The following PRKN variants were observed in gnomAD, a reference collection of about 807,000 sequenced individuals.
PRKN encodes parkin RBR E3 ubiquitin protein ligase, also known as E3 ubiquitin-protein ligase parkin.
A neutral mutation model predicts 59.5 loss-of-function variants in PRKN; 56 were observed. The observed-to-expected ratio is 0.94, with a 90% CI of 0.76 to 1.18. The LOEUF is 1.18. PRKN is among the 50% of genes most tolerant of loss of function. The probability of loss-of-function intolerance (pLI) is 0.00; values close to 1 mark genes in which losing one functional copy is unlikely to be tolerated. For missense variants in PRKN, 657 were observed against 596.4 expected (o/e 1.10, Z -1.06); for synonymous variants, 250 against 222.1 (o/e 1.13, Z -1.12).
chr6:162,423,566 G>T (rs1482600970), intron 2 of PRKN, among the ~76,000 whole-genome samples: 5 of 152,154 alleles, frequency 3.3e-5, no homozygotes, highest in Admixed American at 2.6e-4. Flanking sequence ...AACCTCATTT[G>T]AGTATATAAT....
intron 7 of PRKN, among the ~76,000 whole-genome samples, chr6:161,654,206 C>T (rs1784255056): frequency 6.6e-6 from 1 of 152,182 alleles, no homozygotes; most frequent in African/African-American, 2.4e-5. Context: ...AGCCAATTTT[C>T]ACATCCAGAG....
chr6:162,317,455 T>C (rs1562665683), intron 2 of PRKN, among the ~76,000 whole-genome samples: 1 of 152,062 alleles, frequency 6.6e-6, no homozygotes, highest in African/African-American at 2.4e-5. Context: ...TTAAACCTCT[T>C]TGCTTTATAA....
At chr6:162,015,608 C>T (rs1236450581) in intron 5 of PRKN, among the ~76,000 whole-genome samples, 3 of 152,176 alleles carry the variant, frequency 2.0e-5, no homozygotes, top group Non-Finnish European at 4.4e-5. Context: ...TTCCTTTCTC[C>T]CCTGTCACCT....
At position 161,458,463 on chromosome 6, in the gene PRKN, GGCT is replaced by G. The variant is rs1469619582; in HGVS notation, c.1084-71589_1084-71587del. Among the ~76,000 whole-genome samples, 2 of 152,092 alleles carry G rather than the reference GGCT, an allele frequency of 1.3e-5. No individual in the cohort carries two copies. Among genetic ancestry groups the G allele is most frequent in the Non-Finnish European group, 2.9e-5 (2 of 68,030 alleles). ...GGCAGCCGTCTGTCTACCTCCTGCC[GGCT>G]GCCTGTCTCCTAAAATGTCTGCATG... On this transcript the variant is annotated intron_variant, in intron 9 of 11. Transcript: ENST00000366898. This position sits in a 1 kb window ranked among gnomAD's most constrained non-coding sequence, Gnocchi z 6.1.
intron 2 of PRKN, among the ~76,000 whole-genome samples, chr6:162,278,644 A>C (rs1780741733): frequency 6.6e-6 from 1 of 152,152 alleles, no homozygotes; most frequent in East Asian, 1.9e-4. Flanking sequence ...ATTTGGGAAC[A>C]ATTGGGAGGA....
chr6:162,060,863 T>G (rs995495019), intron 4 of PRKN, among the ~76,000 whole-genome samples: 2 of 152,244 alleles, frequency 1.3e-5, no homozygotes, highest in Non-Finnish European at 2.9e-5. Context: ...CCCTATTATC[T>G]CATCTTGTCA....
At chr6:162,525,982 C>T (rs1778264238) in intron 1 of PRKN, among the ~76,000 whole-genome samples, 2 of 152,022 alleles carry the variant, frequency 1.3e-5, no homozygotes, top group South Asian at 2.1e-4. Flanking sequence ...CAGCTTCAGA[C>T]TACAGGTGCA....
At chr6:162,275,138 G>A (rs763820062) in intron 2 of PRKN, 2 of 151,876 alleles carry the variant, frequency 1.3e-5, no homozygotes, top group South Asian at 4.2e-4. Flanking sequence ...CTAGGTTTAG[G>A]CTTAATATGT....
At chr6:161,745,914 T>G (rs1434384321) in intron 7 of PRKN, among the ~76,000 whole-genome samples, 1 of 152,228 alleles carries the variant, frequency 6.6e-6, no homozygotes, top group Non-Finnish European at 1.5e-5. Flanking sequence ...GACTTTCTTG[T>G]GTCTGTGCCT....
intron 6 of PRKN, among the ~76,000 whole-genome samples, chr6:161,938,304 G>T (rs566847914): frequency 1.3e-5 from 2 of 152,186 alleles, no homozygotes; most frequent in Non-Finnish European, 2.9e-5. Flanking sequence ...CTTCAAGAGA[G>T]TTTACCCAAA....
chr6:162,653,818 A>G (rs1778538464), intron 1 of PRKN, among the ~76,000 whole-genome samples: 1 of 152,206 alleles, frequency 6.6e-6, no homozygotes, highest in Non-Finnish European at 1.5e-5. Flanking sequence ...TCTTCATAGT[A>G]GTTAAAACAG....
chr6:162,406,521 GT>G, intron 2 of PRKN, among the ~76,000 whole-genome samples: 1 of 152,290 alleles, frequency 6.6e-6, no homozygotes, highest in East Asian at 1.9e-4. Flanking sequence ...CAATGTATCT[GT>G]GTAGCAAATA....
rs1790065383 is a variant in PRKN, at chr6:161,458,398, G to T, written c.1084-71521C>A. Among the ~76,000 whole-genome samples the T allele has an allele frequency of 6.6e-6, 1 of 152,156 alleles. No individual in the cohort carries two copies. The highest frequency in any genetic ancestry group is 6.6e-5 in the Admixed American group (1 of 15,260). On this transcript the variant is annotated intron_variant, in intron 9 of 11. Coordinates refer to ENST00000366898, the MANE Select transcript of PRKN (RefSeq NM_004562.3). The surrounding 1 kb of genome is among the most constrained non-coding windows in gnomAD (Gnocchi z 6.1). ...CATAAGTGCAGCTGATGCAAACCTG[G>T]AAGCCGTTATCACAGCTCCCTGGCC...
chr6:162,004,382 T>C (rs548803766), intron 5 of PRKN, among the ~76,000 whole-genome samples: 1 of 152,194 alleles, frequency 6.6e-6, no homozygotes, highest in Non-Finnish European at 1.5e-5. Flanking sequence ...CTGTACAGCC[T>C]GCAGAACCAT....
intron 9 of PRKN, among the ~76,000 whole-genome samples, chr6:161,524,024 T>A (rs545371142): frequency 6.6e-6 from 1 of 152,346 alleles, no homozygotes; most frequent in African/African-American, 2.4e-5. Flanking sequence ...TTTTTTTTCC[T>A]ATCCAGATAG....
chr6:162,546,923 T>G (rs910799526), intron 1 of PRKN, among the ~76,000 whole-genome samples: 8 of 152,184 alleles, frequency 5.3e-5, no homozygotes, highest in Non-Finnish European at 8.8e-5. Context: ...TCACATACCT[T>G]TATTTGCATT....
At chr6:162,648,570 C>A (rs992574641) in intron 1 of PRKN, among the ~76,000 whole-genome samples, 1 of 151,924 alleles carries the variant, frequency 6.6e-6, no homozygotes, top group African/African-American at 2.4e-5. Flanking sequence ...TTAGTAGAGA[C>A]GGGGTTTCAC....
intron 9 of PRKN, among the ~76,000 whole-genome samples, chr6:161,511,167 T>A (rs1295055212): frequency 6.6e-6 from 1 of 152,136 alleles, no homozygotes; most frequent in Non-Finnish European, 1.5e-5. Flanking sequence ...TTTGTGGAGA[T>A]TTTTAAAAAT....
chr6:161,900,912 G>A (rs9365345), intron 6 of PRKN, among the ~76,000 whole-genome samples: 41,275 of 97,492 alleles, frequency 0.42, 8,006 homozygotes, highest in African/African-American at 0.62. Flanking sequence ...ATGTTAAATT[G>A]TATATATATA....
Sources: allele counts gnomAD v4.1 joint callset (sites outside exome capture counted in the v4.1 genomes callset), GRCh38; gene constraint gnomAD v4.1.1; non-coding constraint Gnocchi (gnomAD v3.1); transcripts MANE v1.5; gene names NCBI Gene and HGNC (gene_info 2026-07-23, HGNC 2026-07-21).